The following ZC3H12B variants were observed in gnomAD, a reference collection of about 807,000 sequenced individuals.
ZC3H12B encodes probable ribonuclease ZC3H12B.
A neutral mutation model predicts 43.9 loss-of-function variants in ZC3H12B; 7 were observed. The observed-to-expected ratio is 0.16, with a 90% CI of 0.09 to 0.30. ZC3H12B has a LOEUF of 0.30. Ranked by LOEUF, ZC3H12B falls within the 10% of genes least tolerant of loss-of-function variation. ZC3H12B has a pLI of 1.00. For synonymous variants in ZC3H12B, 222 were observed against 241.7 expected (o/e 0.92, Z 0.76); for missense variants, 475 against 670.2 (o/e 0.71, Z 3.22).
chrX:65,421,878 G>A (rs973804105), intron 3 of ZC3H12B, among the ~76,000 whole-genome samples: 1 of 109,226 alleles, frequency 9.2e-6, no homozygotes, highest in Non-Finnish European at 1.9e-5. Flanking sequence ...AACCGGGCAG[G>A]CGGAGCTTGC....
intron 3 of ZC3H12B, among the ~76,000 whole-genome samples, chrX:65,449,669 G>A (rs1425082994): frequency 9.0e-6 from 1 of 110,926 alleles, no homozygotes; most frequent in Admixed American, 9.6e-5. Context: ...ATACTACTCT[G>A]CCATAAATGA....
At chrX:65,360,734 G>T in the ZC3H12B span, among the ~76,000 whole-genome samples, 7 of 112,119 alleles carry the variant, frequency 6.2e-5, no homozygotes, top group Middle Eastern at 4.6e-3. Flanking sequence ...CTACACAAAG[G>T]CTTGTATACA....
At chrX:65,318,145 A>G in the ZC3H12B span, among the ~76,000 whole-genome samples, 1 of 107,455 alleles carries the variant, frequency 9.3e-6, no homozygotes, top group Non-Finnish European at 1.9e-5. Flanking sequence ...CCAGCAGGCT[A>G]GAAGTGTTCC....
intron 2 of ZC3H12B, among the ~76,000 whole-genome samples, chrX:65,377,643 A>G (rs771177178): frequency 7.2e-5 from 8 of 111,687 alleles, no homozygotes; most frequent in African/African-American, 2.6e-4. Context: ...GGGGGAAAAA[A>G]AGAAATGGTT....
At chrX:65,187,798 T>C in the ZC3H12B span, among the ~76,000 whole-genome samples, 1 of 111,063 alleles carries the variant, frequency 9.0e-6, no homozygotes. Flanking sequence ...TCATTCATTC[T>C]TTGTGTTATA....
chrX:65,110,379 A>G, the ZC3H12B span, among the ~76,000 whole-genome samples: 3 of 96,760 alleles, frequency 3.1e-5, no homozygotes, highest in Non-Finnish European at 6.3e-5. Context: ...GATCCTATGT[A>G]TTTTCTTCTG....
chrX:65,379,505 G>A (rs999879638), intron 2 of ZC3H12B, among the ~76,000 whole-genome samples: 1 of 111,903 alleles, frequency 8.9e-6, no homozygotes, highest in Non-Finnish European at 1.9e-5. Context: ...CAAAGATAGG[G>A]AAAAAACAGA....
chrX:65,185,805 G>A, the ZC3H12B span: 1 of 111,088 alleles, frequency 9.0e-6, no homozygotes, highest in Non-Finnish European at 1.9e-5. Flanking sequence ...AATTAATAAA[G>A]TATCTATTGC....
At chrX:65,337,919 T>C in the ZC3H12B span, among the ~76,000 whole-genome samples, 1 of 112,351 alleles carries the variant, frequency 8.9e-6, no homozygotes, top group African/African-American at 3.2e-5. Flanking sequence ...TTGGGTGTCA[T>C]TACTTGTGAG....
At chrX:65,485,840 A>G (rs181398689), upstream of ZC3H12B, among the ~76,000 whole-genome samples, 60 of 111,822 alleles carry the variant, frequency 5.4e-4, no homozygotes, top group Admixed American at 5.7e-3. Context: ...TTAATGCTTA[A>G]TCACTTAGCC....
intron 3 of ZC3H12B, among the ~76,000 whole-genome samples, chrX:65,447,740 A>G (rs2067398135): frequency 8.9e-6 from 1 of 111,908 alleles, no homozygotes; most frequent in African/African-American, 3.3e-5. Flanking sequence ...ACAAATCAGC[A>G]AGAAAAAATA....
the ZC3H12B span, among the ~76,000 whole-genome samples, chrX:65,333,771 T>C: frequency 8.9e-6 from 1 of 111,967 alleles, no homozygotes; most frequent in Admixed American, 9.5e-5. Context: ...CCAAAACAAG[T>C]CAATTGTCTG....
chrX:65,500,368 T>A (rs904951010), intron 4 of ZC3H12B, among the ~76,000 whole-genome samples: 1 of 112,666 alleles, frequency 8.9e-6, no homozygotes, highest in Non-Finnish European at 1.9e-5. Flanking sequence ...GGCAGGTGAC[T>A]GCACCCTCTT....
At chrX:65,186,958 A>G in the ZC3H12B span, among the ~76,000 whole-genome samples, 2 of 111,770 alleles carry the variant, frequency 1.8e-5, no homozygotes, top group South Asian at 7.4e-4. Context: ...GGCTGGTTCC[A>G]TATTTTTGCA....
intron 3 of ZC3H12B, among the ~76,000 whole-genome samples, chrX:65,450,444 T>C (rs1315661802): frequency 2.3e-5 from 1 of 43,196 alleles, no homozygotes; most frequent in East Asian, 7.1e-4. Flanking sequence ...TATGTGTATA[T>C]ATATACATAT....
chrX:65,207,675 C>A, the ZC3H12B span, among the ~76,000 whole-genome samples: 4 of 99,194 alleles, frequency 4.0e-5, no homozygotes, highest in Non-Finnish European at 8.1e-5. Context: ...TTTTTGGTTC[C>A]ATATGAACTT....
chrX:65,296,960 G>A, the ZC3H12B span, among the ~76,000 whole-genome samples: 2 of 111,461 alleles, frequency 1.8e-5, no homozygotes, highest in Non-Finnish European at 3.8e-5. Flanking sequence ...CTCTTTATGA[G>A]CAAAACCCTC....
intron 3 of ZC3H12B, among the ~76,000 whole-genome samples, chrX:65,428,553 A>G (rs974892195): frequency 7.1e-5 from 8 of 112,653 alleles, no homozygotes; most frequent in African/African-American, 2.6e-4. Flanking sequence ...TCTGCTATTA[A>G]CATTTATGAT....
intron 3 of ZC3H12B, among the ~76,000 whole-genome samples, chrX:65,467,984 G>A (rs777096129): frequency 5.0e-4 from 56 of 112,001 alleles, no homozygotes; most frequent in Non-Finnish European, 9.0e-4. Flanking sequence ...TATTTTTGTT[G>A]TAGTTGCATT....
Sources: allele counts gnomAD v4.1 joint callset (sites outside exome capture counted in the v4.1 genomes callset), GRCh38; gene constraint gnomAD v4.1.1; transcripts MANE v1.5; gene names NCBI Gene and HGNC (gene_info 2026-07-23, HGNC 2026-07-21).